MTUS1: variants seen among roughly 807,000 people sequenced by gnomAD.
MTUS1 encodes the protein microtubule-associated tumor suppressor 1.
In MTUS1, 109 loss-of-function variants were observed where a neutral mutation model predicts 120.8. That is an observed-to-expected ratio of 0.90 (90% CI 0.77 to 1.06). MTUS1 has a LOEUF of 1.06. Ranked by LOEUF, MTUS1 falls within the 50% of genes least tolerant of loss-of-function variation. The pLI is 0.00. For missense variants in MTUS1, 2,210 were observed against 1,486.3 expected, an observed-to-expected ratio of 1.49 and a Z score of -8.01; for synonymous variants, 737 against 550.5, an observed-to-expected ratio of 1.34 and a Z score of -4.74.
At chr8:17,684,156 G>C (rs1449766249) in intron 7 of MTUS1, among the ~76,000 whole-genome samples, 172 bp downstream of exon 7, 1 of 152,134 alleles carries the variant, frequency 6.6e-6, no homozygotes, top group Admixed American at 6.6e-5. Flanking sequence ...ATCCCAAATT[G>C]CTAGAGACCG....
chr8:17,650,513 C>T (rs747430668), intron 12 of MTUS1, among the ~76,000 whole-genome samples: 52 of 152,160 alleles, frequency 3.4e-4, no homozygotes, highest in Admixed American at 6.6e-4. Context: ...AGTACCTACA[C>T]GGCATGGAGT....
intron 3 of MTUS1, among the ~76,000 whole-genome samples, chr8:17,727,114 C>T (rs2046276036): frequency 6.6e-6 from 1 of 152,200 alleles, no homozygotes. Flanking sequence ...ATCCCCTACA[C>T]CTAATGGCAG....
At chr8:17,680,206 G>A (rs146130292) in intron 7 of MTUS1, among the ~76,000 whole-genome samples, 4,783 of 152,168 alleles carry the variant, frequency 0.031, 175 homozygotes, top group South Asian at 0.15. Flanking sequence ...GATCATGCCT[G>A]TAATCCCAGC....
chr8:17,669,434 G>A (rs1811557827), intron 8 of MTUS1, among the ~76,000 whole-genome samples: 1 of 152,190 alleles, frequency 6.6e-6, no homozygotes, highest in Non-Finnish European at 1.5e-5. Context: ...AGGGGAAAGA[G>A]TGCCTAGACG....
intron 2 of MTUS1, among the ~76,000 whole-genome samples, chr8:17,751,660 C>T (rs534941465): frequency 6.6e-6 from 1 of 152,070 alleles, no homozygotes; most frequent in Non-Finnish European, 1.5e-5. Flanking sequence ...GAGATCAAGA[C>T]CATCCTGGAC....
intron 14 of MTUS1, 112 bp downstream of exon 14, chr8:17,646,870 A>C (rs902188177): frequency 1.9e-5 from 14 of 734,006 alleles, no homozygotes; most frequent in Non-Finnish European, 3.1e-5. Flanking sequence ...CCTTTTAACC[A>C]TCTGCTTCCA....
At chr8:17,661,247 G>A (rs1402436122) in intron 8 of MTUS1, among the ~76,000 whole-genome samples, 1 of 152,146 alleles carries the variant, frequency 6.6e-6, no homozygotes, top group Admixed American at 6.5e-5. Context: ...GCAAGCCGTT[G>A]GTGAAGGTAT....
At chr8:17,652,755 G>C (rs1248745815) in intron 12 of MTUS1, among the ~76,000 whole-genome samples, 1 of 151,476 alleles carries the variant, frequency 6.6e-6, no homozygotes, top group Non-Finnish European at 1.5e-5. Flanking sequence ...AGACTCGCTT[G>C]AACCCAGGAG....
At chr8:17,747,072 A>G (rs763110856) in intron 2 of MTUS1, among the ~76,000 whole-genome samples, 2 of 152,074 alleles carry the variant, frequency 1.3e-5, no homozygotes, top group Non-Finnish European at 2.9e-5. Flanking sequence ...TGCTAGGGCA[A>G]TCTCTCTCAA....
At chr8:17,790,247 C>T (rs1207786216) in intron 1 of MTUS1, among the ~76,000 whole-genome samples, 1 of 151,564 alleles carries the variant, frequency 6.6e-6, no homozygotes, top group Admixed American at 6.6e-5. Flanking sequence ...ACTCGGGAGG[C>T]TGAGGTAGGA....
At chr8:17,716,763 G>A (rs906059165) in intron 4 of MTUS1, among the ~76,000 whole-genome samples, 1 of 152,050 alleles carries the variant, frequency 6.6e-6, no homozygotes, top group African/African-American at 2.4e-5. Flanking sequence ...ACTGTGTTAG[G>A]CAGGATGGTC....
chr8:17,677,003 C>A (rs561865633), intron 7 of MTUS1, among the ~76,000 whole-genome samples: 137 of 152,250 alleles, frequency 9.0e-4, no homozygotes, highest in African/African-American at 3.1e-3. Context: ...AGCACTGAAA[C>A]GTGGTCAGCA....
intron 1 of MTUS1, among the ~76,000 whole-genome samples, chr8:17,774,971 T>TTA (rs751182658): frequency 1.0e-4 from 10 of 96,980 alleles, no homozygotes; most frequent in Non-Finnish European, 1.7e-4. Flanking sequence ...ATATTATAAG[T>TTA]AAAAAAAAAA....
intron 1 of MTUS1, among the ~76,000 whole-genome samples, chr8:17,792,415 T>C (rs2051869470): frequency 6.6e-6 from 1 of 152,234 alleles, no homozygotes; most frequent in African/African-American, 2.4e-5. Flanking sequence ...AACAAAATAG[T>C]CTTATCTGCA....
rs953656139 is a variant in MTUS1, at chr8:17,738,220, T to C, written c.2287+5384A>G. Among the ~76,000 whole-genome samples, 14 of 152,332 alleles carry C rather than the reference T, an allele frequency of 9.2e-5. No homozygotes were observed. In the East Asian group the frequency reaches 2.7e-3, roughly 29 times the overall value. ...AGGCCTTTCTTCACCGACCCACCCC[T>C]GGACATTCTTCTCATGGGGCCTTTT... On this transcript the variant is annotated intron_variant, in intron 3 of 14. Transcript: ENST00000693296.
At chr8:17,758,465 G>A (rs533611984) in intron 1 of MTUS1, among the ~76,000 whole-genome samples, 12 of 152,324 alleles carry the variant, frequency 7.9e-5, no homozygotes, top group Admixed American at 6.5e-4. Context: ...ACTCCTTAGT[G>A]AAATCACTGA....
chr8:17,801,423 CG>C (rs1264147389), upstream of MTUS1: 2 of 151,770 alleles, frequency 1.3e-5, no homozygotes, highest in Non-Finnish European at 2.9e-5. Flanking sequence ...TCCCAGGGGA[CG>C]GCCCTCGGGG....
chr8:17,752,531 G>T (rs929169207), intron 2 of MTUS1, among the ~76,000 whole-genome samples: 8 of 152,244 alleles, frequency 5.3e-5, no homozygotes, highest in African/African-American at 1.9e-4. Context: ...AAGACTGGTT[G>T]TTAAAGCCCA....
rs373460678 is a variant in MTUS1, at chr8:17,759,179, C to T, written c.-154-3218G>A. ...TACAGGCATGAGCCACCATGCCCGGCCCCAAGGTTATTTTTTAAATAAGTA... is the reference window on the plus strand; with the variant it reads ...TACAGGCATGAGCCACCATGCCCGGTCCCAAGGTTATTTTTTAAATAAGTA... On this transcript the variant is annotated intron_variant, in intron 1 of 14. Transcript: ENST00000693296. Among the ~76,000 whole-genome samples the T allele has an allele frequency of 1.2e-4, 18 of 152,266 alleles. No individual in the cohort carries two copies. The East Asian group carries it at 2.3e-3, about 20-fold the overall frequency.
Sources: allele counts gnomAD v4.1 joint callset (sites outside exome capture counted in the v4.1 genomes callset), GRCh38; gene constraint gnomAD v4.1.1; transcripts MANE v1.5; gene names NCBI Gene and HGNC (gene_info 2026-07-23, HGNC 2026-07-21).